Variants in RPAP2 observed in about 807,000 individuals in gnomAD.
The protein encoded by RPAP2 is putative RNA polymerase II subunit B1 CTD phosphatase RPAP2.
RPAP2 carries 52 observed loss-of-function variants against 73.1 expected under a neutral mutation model. The ratio of observed to expected loss-of-function variants is 0.71; its 90% CI spans 0.57 to 0.90. The LOEUF (loss-of-function observed/expected upper bound fraction) is 0.90, where lower values mean the gene tolerates loss of function less well. Among genes scored for constraint, RPAP2 ranks in the 40% least tolerant of loss-of-function variants. RPAP2 has a pLI of 0.00. For synonymous variants in RPAP2, 225 were observed against 242.1 expected (o/e 0.93, Z 0.65); for missense variants, 598 against 701.8 (o/e 0.85, Z 1.67).
intron 10 of RPAP2, 124 bp from the exon 11 acceptor site, chr1:92,345,722 A>G: frequency 1.6e-6 from 1 of 606,840 alleles, no homozygotes; most frequent in South Asian, 2.2e-5. Flanking sequence ...CCTGTCAAAT[A>G]TAACAAGTAT....
Position 92,323,933 on chromosome 1 carries a change from A to G in RPAP2, c.1013A>G (p.Lys338Arg), listed in dbSNP as rs1652468510. The G allele has an allele frequency of 1.2e-6, 2 of 1,614,092 alleles. No homozygotes were observed. Among genetic ancestry groups the G allele is most frequent in the Admixed American group, 1.7e-5 (1 of 60,010 alleles). ...GISKKSAEHFKRKFAKSNQVS... is the reference protein window; with the variant it reads ...GISKKSAEHFRRKFAKSNQVS... ...AGTAAGAAAAGTGCAGAGCATTTTA[A>G]GAGAAAATTTGCCAAATCAAACCAA... Residue 338 changes from lysine (K) to arginine (R), a missense_variant, in exon 8 of 13, where the codon AAG becomes AGG. Lys to Arg is a conservative substitution (Grantham distance 26). Around this residue, in one of 3 missense-constraint regions of RPAP2, gnomAD observed 506 missense variants for 612.8 expected, o/e 0.83. Transcript: ENST00000610020.
intron 11 of RPAP2, among the ~76,000 whole-genome samples, chr1:92,378,502 C>G (rs965661755): frequency 6.6e-6 from 1 of 152,126 alleles, no homozygotes; most frequent in African/African-American, 2.4e-5. Context: ...CATGAGCCAT[C>G]GCGCCCGGCC....
chr1:92,371,842 C>T (rs1235367202), intron 11 of RPAP2, among the ~76,000 whole-genome samples: 1 of 140,648 alleles, frequency 7.1e-6, no homozygotes, highest in African/African-American at 2.7e-5. Flanking sequence ...CAGTGAGCTC[C>T]GATTGCACCA....
chr1:92,345,978 C>A, intron 11 of RPAP2, 64 bp downstream of exon 11: 1 of 1,115,208 alleles, frequency 9.0e-7, no homozygotes, highest in Non-Finnish European at 1.3e-6. Flanking sequence ...TAGGGAAAAA[C>A]AAAGTGATCC....
At chr1:92,374,214 C>T (rs1473916642) in intron 11 of RPAP2, among the ~76,000 whole-genome samples, 7 of 151,942 alleles carry the variant, frequency 4.6e-5, no homozygotes. Context: ...AAAACCATGA[C>T]TAAGAGGAGG....
rs182516502 is a variant in RPAP2, at chr1:92,400,003, C to T, written c.*12992C>T. On this transcript the variant is annotated 3_prime_UTR_variant, in exon 13 of 13. Coordinates refer to ENST00000610020, the MANE Select transcript of RPAP2 (RefSeq NM_024813.3). ...TATCTCACTTTAAAAAAAGCACAAA[C>T]TAAGACTCAATGAGGTTTATCTTCC... The T allele has an allele frequency of 6.6e-6, 1 of 152,294 alleles. No individual in the cohort carries two copies. Among genetic ancestry groups the T allele is most frequent in the Admixed American group, 6.5e-5 (1 of 15,304 alleles). The allele number at this position is 152,294 out of a possible 1,614,324, so 9.4% of individuals were successfully genotyped here.
In RPAP2 at chr1:92,393,107, A is replaced by G. The variant is rs1325255571; in HGVS notation, c.*6096A>G. ...ACTACAAGCCTACAGTAACCAAAACAGCATGGCACTGGTACAAAAACAGAT... is the reference window on the plus strand; with the variant it reads ...ACTACAAGCCTACAGTAACCAAAACGGCATGGCACTGGTACAAAAACAGAT... On this transcript the variant is annotated 3_prime_UTR_variant, in exon 13 of 13. Transcript: ENST00000610020. 1 of 152,250 alleles carries G rather than the reference A, an allele frequency of 6.6e-6. No individual in the cohort carries two copies. Among genetic ancestry groups the G allele is most frequent in the African/African-American group, 2.4e-5 (1 of 41,474 alleles). The allele number at this position is 152,250 out of a possible 1,614,324, so 9.4% of individuals were successfully genotyped here.
intron 11 of RPAP2, among the ~76,000 whole-genome samples, chr1:92,367,526 T>A (rs1654978635): frequency 6.6e-6 from 1 of 152,216 alleles, no homozygotes; most frequent in Non-Finnish European, 1.5e-5. Context: ...GGTGAGAGAA[T>A]GAGTGTTTAA....
At chr1:92,323,063 T>TTA (rs1208147394) in intron 7 of RPAP2, among the ~76,000 whole-genome samples, 6 of 146,212 alleles carry the variant, frequency 4.1e-5, no homozygotes, top group Non-Finnish European at 7.5e-5. Flanking sequence ...TATATATACT[T>TTA]TATATATATA....
chr1:92,361,128 TATAC>T (rs1421706389), intron 11 of RPAP2, among the ~76,000 whole-genome samples: 1 of 150,278 alleles, frequency 6.7e-6, no homozygotes, highest in Admixed American at 6.7e-5. Flanking sequence ...TATATATATA[TATAC>T]ACACACATAA....
chr1:92,334,664 A>G (rs1557608564), intron 9 of RPAP2, among the ~76,000 whole-genome samples: 1 of 152,066 alleles, frequency 6.6e-6, no homozygotes, highest in African/African-American at 2.4e-5. Context: ...CCTGGGCAGC[A>G]TAGTAAGACC....
In RPAP2 at chr1:92,345,898, A is replaced by G. The variant is rs553040365; in HGVS notation, c.1672A>G (p.Met558Val). The G allele has an allele frequency of 5.2e-5, 84 of 1,604,430 alleles. No individual in the cohort carries two copies. Among genetic ancestry groups the G allele is most frequent in the Non-Finnish European group, 7.1e-5 (83 of 1,172,014 alleles). Residue 558 changes from methionine to valine, a missense_variant, in exon 11 of 13, where the codon ATG (methionine) becomes GTG (valine). Met to Val is a conservative substitution (Grantham distance 21, BLOSUM62 1). This residue lies in a region of RPAP2 where 506 missense variants were observed against 612.8 expected (regional missense o/e 0.83). Transcript: ENST00000610020. ...HKPAEWTLIA[M>V]VLLSLLTPIL... Reference sequence around the variant, plus strand: ...ACCTGCGGAATGGACTTTAATTGCTATGGTGTTGCTGTCATTGTAAGTACT... The same window carrying G: ...ACCTGCGGAATGGACTTTAATTGCTGTGGTGTTGCTGTCATTGTAAGTACT...
chr1:92,360,241 C>A (rs150504723), intron 11 of RPAP2, among the ~76,000 whole-genome samples: 200 of 152,290 alleles, frequency 1.3e-3, no homozygotes, highest in Admixed American at 2.5e-3. Context: ...TAGTTGCTGT[C>A]TGCTAAACGA....
intron 6 of RPAP2, among the ~76,000 whole-genome samples, chr1:92,314,554 A>G (rs1651798744): frequency 6.6e-6 from 1 of 152,058 alleles, no homozygotes; most frequent in Non-Finnish European, 1.5e-5. Flanking sequence ...GTTCAAGACC[A>G]GCCTGGCCAA....
At chr1:92,367,914 G>C (rs1654992724) in intron 11 of RPAP2, among the ~76,000 whole-genome samples, 4 of 152,210 alleles carry the variant, frequency 2.6e-5, no homozygotes. Flanking sequence ...TTCTATGAGA[G>C]AGTTATTACT....
chr1:92,310,639 C>T (rs760209961), intron 6 of RPAP2, among the ~76,000 whole-genome samples: 4 of 151,938 alleles, frequency 2.6e-5, no homozygotes, highest in Non-Finnish European at 5.9e-5. Flanking sequence ...GACTCACGCC[C>T]GTAATCCCAG....
rs549738869 is a variant in RPAP2, at chr1:92,394,199, C to G, written c.*7188C>G. On this transcript the variant is annotated 3_prime_UTR_variant, in exon 13 of 13. Transcript: ENST00000610020. Reference sequence around the variant, plus strand: ...CAGGGACATGGATAAAGCCGGAAACCATCATTCTCAGCAAACTATCACAAG... The same window carrying G: ...CAGGGACATGGATAAAGCCGGAAACGATCATTCTCAGCAAACTATCACAAG... 6.6e-6 allele frequency: 1 copy of G among 152,118 alleles called. No individual in the cohort carries two copies. Among genetic ancestry groups the G allele is most frequent in the Non-Finnish European group, 1.5e-5 (1 of 68,044 alleles). The allele number at this position is 152,118 out of a possible 1,614,324, so 9.4% of individuals were successfully genotyped here.
intron 3 of RPAP2, 31 bp downstream of exon 3, chr1:92,301,621 T>G: frequency 1.1e-6 from 1 of 950,538 alleles, no homozygotes. Flanking sequence ...TTATTAGTTT[T>G]GTAGTATAAC....
At chr1:92,371,317 A>ATATATATAT (rs1430055099) in intron 11 of RPAP2, among the ~76,000 whole-genome samples, 3 of 55,768 alleles carry the variant, frequency 5.4e-5, no homozygotes, top group African/African-American at 2.8e-4. Flanking sequence ...AAAAAAAAAA[A>ATATATATAT]AAATATATAT....
Sources: gnomAD v4.1 joint callset for allele counts (sites outside exome capture counted in the v4.1 genomes callset) on GRCh38, gnomAD v4.1.1 for gene constraint, gnomAD v4.1.1 regional missense constraint, MANE v1.5 for transcripts, NCBI Gene and HGNC (gene_info 2026-07-23, HGNC 2026-07-21) for gene names.